MRPS28: variants seen among roughly 807,000 people sequenced by gnomAD.
MRPS28 encodes small ribosomal subunit protein bS1m.
MRPS28 carries 7 observed loss-of-function variants against 10.8 expected under a neutral mutation model. The observed-to-expected ratio is 0.65, with a 90% CI of 0.37 to 1.22. The LOEUF (loss-of-function observed/expected upper bound fraction) is 1.22. MRPS28 is among the 50% of genes most tolerant of loss of function. The pLI is 0.02. For synonymous variants in MRPS28, 121 were observed against 93.3 expected, an observed-to-expected ratio of 1.30 and a Z score of -1.71; for missense variants, 265 against 232.9, an observed-to-expected ratio of 1.14 and a Z score of -0.90.
Position 80,030,106 on chromosome 8 carries a change from C to T in MRPS28, c.143G>A (p.Arg48His), listed in dbSNP as rs78308259. ...CAACGCGCTCGCGAAACCGCCTGCG[C>T]GCGTCTTAGGCTCCTTGGCATTGGA... Reference protein sequence around the residue: ...GSSNAKEPKTRAGGFASALER... With the variant: ...GSSNAKEPKTHAGGFASALER... The change falls in exon 1 of 3, where the codon CGC becomes CAC. Residue 48 changes from arginine to histidine, a missense_variant. By Grantham distance (29) the Arg-to-His change is conservative. Transcript: ENST00000276585. The T allele has an allele frequency of 8.1e-6, 13 of 1,611,872 alleles. No homozygotes were observed. The highest frequency in any genetic ancestry group is 4.5e-5 in the East Asian group (2 of 44,888).
chr8:79,952,172 T>C (rs1807096160), intron 2 of MRPS28, among the ~76,000 whole-genome samples: 1 of 152,208 alleles, frequency 6.6e-6, no homozygotes, highest in East Asian at 1.9e-4. Flanking sequence ...TTAAATCAAA[T>C]CATTTAAAAA....
intron 2 of MRPS28, among the ~76,000 whole-genome samples, chr8:79,927,063 T>C (rs1256000281): frequency 6.6e-6 from 1 of 152,210 alleles, no homozygotes; most frequent in African/African-American, 2.4e-5. Flanking sequence ...TACAAGTGCA[T>C]GCAGTTTAGA....
chr8:79,977,778 C>A (rs1321997752), intron 2 of MRPS28, among the ~76,000 whole-genome samples: 1 of 151,786 alleles, frequency 6.6e-6, no homozygotes, highest in Non-Finnish European at 1.5e-5. Flanking sequence ...GATTGCAGCA[C>A]TATACTACAG....
chr8:79,960,767 GA>G (rs1362769828), intron 2 of MRPS28, among the ~76,000 whole-genome samples: 2 of 152,052 alleles, frequency 1.3e-5, no homozygotes, highest in East Asian at 3.9e-4. Flanking sequence ...TGTCTGTTGT[GA>G]ATCCTTTTTA....
intron 2 of MRPS28, among the ~76,000 whole-genome samples, chr8:79,944,410 TA>T (rs1210881380): frequency 1.3e-5 from 2 of 152,238 alleles, no homozygotes; most frequent in Non-Finnish European, 2.9e-5. Flanking sequence ...TTACGAGAAC[TA>T]CCTGTGCCTG....
chr8:80,013,887 G>T (rs1244827632), intron 1 of MRPS28, among the ~76,000 whole-genome samples: 2 of 151,878 alleles, frequency 1.3e-5, no homozygotes, highest in African/African-American at 4.8e-5. Flanking sequence ...AAGGTGATAA[G>T]GTACTTACAT....
chr8:79,973,154 C>A (rs374226992), intron 2 of MRPS28, among the ~76,000 whole-genome samples: 4 of 152,262 alleles, frequency 2.6e-5, no homozygotes, highest in East Asian at 1.9e-4. Flanking sequence ...TGGGGAACAA[C>A]AACTTTATAC....
rs533226644 is a variant in MRPS28 at position 79,925,314 on chromosome 8, T to C, written c.396-6166A>G. On this transcript the variant is annotated intron_variant, in intron 2 of 2. Transcript: ENST00000276585. ...GTGCCTACCATGAGGCCAAATAATA[T>C]GTATAACTGGCCCGTTGGAAATCTA... Among the ~76,000 whole-genome samples the C allele has an allele frequency of 2.2e-3, 335 of 151,628 alleles. 1 individual carries two copies. The highest frequency in any genetic ancestry group is 7.3e-3 in the African/African-American group (301 of 41,362).
intron 2 of MRPS28, among the ~76,000 whole-genome samples, chr8:79,982,797 G>A (rs1008649913): frequency 6.6e-6 from 1 of 152,212 alleles, no homozygotes; most frequent in African/African-American, 2.4e-5. Flanking sequence ...ACAGCTCAAG[G>A]AGGCCTTCCT....
At chr8:80,016,177 C>A (rs1228008133) in intron 1 of MRPS28, among the ~76,000 whole-genome samples, 2 of 151,992 alleles carry the variant, frequency 1.3e-5, no homozygotes, top group African/African-American at 4.8e-5. Flanking sequence ...AACCACAGAT[C>A]CAGGAAGCTC....
At chr8:79,922,188 T>C (rs1810112460) in intron 2 of MRPS28, among the ~76,000 whole-genome samples, 2 of 152,196 alleles carry the variant, frequency 1.3e-5, no homozygotes, top group Admixed American at 6.5e-5. Flanking sequence ...TGCATTGTTA[T>C]TAAAATGTAA....
rs564508262 is a variant in MRPS28 at position 79,943,908 on chromosome 8, G to A, written c.396-24760C>T. Reference sequence around the variant, plus strand: ...AAATATACCAGTGTGATAGTGTGATGTGAGCAAAAAAAACAAAGACACAAT... The same window carrying A: ...AAATATACCAGTGTGATAGTGTGATATGAGCAAAAAAAACAAAGACACAAT... On this transcript the variant is annotated intron_variant, in intron 2 of 2. Coordinates refer to ENST00000276585, the MANE Select transcript of MRPS28 (RefSeq NM_014018.3). 2.9e-4 allele frequency among the ~76,000 whole-genome samples: 44 copies of A among 152,256 alleles called. No homozygotes were observed. The South Asian group carries it at 8.9e-3, about 31-fold the overall frequency.
intron 2 of MRPS28, among the ~76,000 whole-genome samples, chr8:79,941,947 G>A (rs970444442): frequency 6.6e-6 from 1 of 152,160 alleles, no homozygotes; most frequent in Non-Finnish European, 1.5e-5. Flanking sequence ...CAGTTGCTGT[G>A]AAAGGTAAAG....
intron 2 of MRPS28, among the ~76,000 whole-genome samples, chr8:79,920,258 C>T (rs1810052844): frequency 1.3e-5 from 2 of 152,134 alleles, no homozygotes; most frequent in African/African-American, 4.8e-5. Context: ...CATACATGTG[C>T]ATGTGTCTTT....
At chr8:79,998,749 A>T (rs1808577388) in intron 2 of MRPS28, among the ~76,000 whole-genome samples, 1 of 152,202 alleles carries the variant, frequency 6.6e-6, no homozygotes, top group Non-Finnish European at 1.5e-5. Context: ...CAAAGACTAA[A>T]AACTGCTCCT....
rs555063856 is a variant in MRPS28 at position 79,958,367 on chromosome 8, T to C, written c.396-39219A>G. 4 of 698,916 alleles carry C rather than the reference T, an allele frequency of 5.7e-6. No individual in the cohort carries two copies. The East Asian group carries it at 1.1e-4, about 19-fold the overall frequency. The allele number at this position is 698,916 out of a possible 1,614,324, so 43.3% of individuals were successfully genotyped here. On this transcript the variant is annotated intron_variant, in intron 2 of 2. Coordinates refer to ENST00000276585, the MANE Select transcript of MRPS28 (RefSeq NM_014018.3). ...TTTACGATGTTTTCCAAAGTCAGAG[T>C]TGGAAGAAAAACAGGTTATCATCAC...
At chr8:79,960,803 C>G (rs1807355995) in intron 2 of MRPS28, among the ~76,000 whole-genome samples, 1 of 152,000 alleles carries the variant, frequency 6.6e-6, no homozygotes, top group South Asian at 2.1e-4. Context: ...CATTATAGAG[C>G]TTTTGAAATT....
At chr8:79,925,807 C>G (rs1586038206) in intron 2 of MRPS28, among the ~76,000 whole-genome samples, 1 of 151,976 alleles carries the variant, frequency 6.6e-6, no homozygotes, top group Middle Eastern at 3.4e-3. Context: ...GGCAACATGG[C>G]AAAATCCCAT....
At chr8:80,012,315 C>G (rs764782857) in intron 1 of MRPS28, among the ~76,000 whole-genome samples, 3 of 152,196 alleles carry the variant, frequency 2.0e-5, no homozygotes, top group Non-Finnish European at 4.4e-5. Context: ...TCAGACAAAC[C>G]CTTGCTTCAA....
Sources: allele counts gnomAD v4.1 joint callset (sites outside exome capture counted in the v4.1 genomes callset), GRCh38; gene constraint gnomAD v4.1.1; transcripts MANE v1.5; gene names NCBI Gene and HGNC (gene_info 2026-07-23, HGNC 2026-07-21).